EHMT1: variants seen among roughly 807,000 people sequenced by gnomAD.
EHMT1 encodes the protein histone-lysine N-methyltransferase EHMT1.
A neutral mutation model predicts 147.2 loss-of-function variants in EHMT1; 15 were observed. That is an observed-to-expected ratio of 0.10 (90% CI 0.07 to 0.16). EHMT1 has a LOEUF of 0.16. Ranked by LOEUF, EHMT1 falls within the 10% of genes least tolerant of loss-of-function variation. EHMT1 has a pLI of 1.00. For missense variants in EHMT1, 1,587 were observed against 1,772.4 expected, an observed-to-expected ratio of 0.90 and a Z score of 1.88; for synonymous variants, 795 against 709.6, an observed-to-expected ratio of 1.12 and a Z score of -1.91.
At chr9:137,748,088 T>C (rs1948693227) in intron 6 of EHMT1, 1 of 152,186 alleles carries the variant, frequency 6.6e-6, no homozygotes, top group African/African-American at 2.4e-5. Flanking sequence ...GTGGTCTGGG[T>C]GGGGGCATTC....
In EHMT1 at chr9:137,812,260, C is replaced by T. The variant is rs146109727; in HGVS notation, c.2867+645C>T. Among the ~76,000 whole-genome samples the T allele has an allele frequency of 1.8e-3, 280 of 152,346 alleles. 1 individual carries two copies. The highest frequency in any genetic ancestry group is 2.6e-3 in the Non-Finnish European group (174 of 68,028). On this transcript the variant is annotated intron_variant, in intron 19 of 26. Coordinates refer to ENST00000460843, the MANE Select transcript of EHMT1 (RefSeq NM_024757.5). ...GGCTGAGGCAGGCGAATCGCTTGAACCCAGGAGGCAAGAGATTGCAGTGAG... is the reference window on the plus strand; with the variant it reads ...GGCTGAGGCAGGCGAATCGCTTGAATCCAGGAGGCAAGAGATTGCAGTGAG...
intron 3 of EHMT1, among the ~76,000 whole-genome samples, chr9:137,721,170 C>A (rs1945936574): frequency 1.4e-5 from 2 of 147,712 alleles, no homozygotes; most frequent in African/African-American, 2.5e-5. Context: ...AGACTTCTCA[C>A]ACTCACCCCC....
intron 25 of EHMT1, among the ~76,000 whole-genome samples, chr9:137,819,670 G>T (rs117917753): frequency 0.042 from 5,490 of 132,090 alleles, 265 homozygotes; most frequent in South Asian, 0.1. Flanking sequence ...GGCGCCGTGT[G>T]CCGAGACTGT....
chr9:137,720,992 G>A lies in EHMT1; in HGVS notation c.642+3810G>A, dbSNP rs142284911. ...GCCCACCGGCGATGTTGCAGTGGCC[G>A]CCTTTCTCCCCTCCTCGCCGGCGTC... On this transcript the variant is annotated intron_variant, in intron 3 of 26. Coordinates refer to ENST00000460843, the MANE Select transcript of EHMT1 (RefSeq NM_024757.5). Among the ~76,000 whole-genome samples, 716 of 152,122 alleles carry A rather than the reference G, an allele frequency of 4.7e-3. 11 individuals carry two copies. Among genetic ancestry groups the A allele is most frequent in the African/African-American group, 0.016 (657 of 41,464 alleles).
chr9:137,655,969 C>T (rs1371742764), intron 1 of EHMT1, among the ~76,000 whole-genome samples: 2 of 152,120 alleles, frequency 1.3e-5, no homozygotes, highest in Non-Finnish European at 2.9e-5. Context: ...TGTTTTAATG[C>T]TTTATGATAT....
intron 1 of EHMT1, among the ~76,000 whole-genome samples, chr9:137,625,963 C>T (rs1589026459): frequency 6.6e-6 from 1 of 150,950 alleles, no homozygotes; most frequent in Non-Finnish European, 1.5e-5. Flanking sequence ...TCAAGTGATT[C>T]TCCTGCCTCA....
At position 137,777,012 on chromosome 9, in the gene EHMT1, T is replaced by C. The variant is rs555518809; in HGVS notation, c.2018+168T>C. On this transcript the variant is annotated intron_variant, in intron 12 of 26. Transcript: ENST00000460843. ...AGACTCTGAAATTCATTTATTGCCA[T>C]TTGTGCATACGTTGCTCTCTTTCGG... 6.5e-4 allele frequency: 454 copies of C among 700,566 alleles called. No individual in the cohort carries two copies. The Middle Eastern group carries it at 6.9e-3, about 11-fold the overall frequency. The allele number at this position is 700,566 out of a possible 1,614,324, so 43.4% of individuals were successfully genotyped here.
intron 1 of EHMT1, among the ~76,000 whole-genome samples, chr9:137,645,917 C>T (rs1844849493): frequency 6.6e-6 from 1 of 151,526 alleles, no homozygotes; most frequent in Admixed American, 6.6e-5. Flanking sequence ...TGTTTTGGAT[C>T]TATACTGAGT....
Position 137,706,585 on chromosome 9 carries a change from A to G in EHMT1, c.22-4382A>G, listed in dbSNP as rs1396678397. On this transcript the variant is annotated intron_variant, in intron 1 of 26. Coordinates refer to ENST00000460843, the MANE Select transcript of EHMT1 (RefSeq NM_024757.5). Reference sequence around the variant, plus strand: ...CACTGCAACCTCCGCCTCCTGGGTTAAAGATATTCTCCTGCCTCAGCCTCC... The same window carrying G: ...CACTGCAACCTCCGCCTCCTGGGTTGAAGATATTCTCCTGCCTCAGCCTCC... Among the ~76,000 whole-genome samples, 11 of 151,646 alleles carry G rather than the reference A, an allele frequency of 7.3e-5. No individual in the cohort carries two copies. The South Asian group carries it at 1.3e-3, about 17-fold the overall frequency.
intron 1 of EHMT1, among the ~76,000 whole-genome samples, chr9:137,683,463 G>A (rs1047151702): frequency 6.6e-6 from 1 of 152,352 alleles, no homozygotes; most frequent in African/African-American, 2.4e-5. Context: ...AATTAATAGA[G>A]ATGAGGTCAT....
chr9:137,677,166 C>T (rs1017593068), intron 1 of EHMT1, among the ~76,000 whole-genome samples: 2 of 151,972 alleles, frequency 1.3e-5, no homozygotes, highest in African/African-American at 2.4e-5. Context: ...CAGAGTTTCG[C>T]TCTGTCGCCC....
At chr9:137,645,999 C>T (rs1331141030) in intron 1 of EHMT1, among the ~76,000 whole-genome samples, 2 of 151,924 alleles carry the variant, frequency 1.3e-5, no homozygotes, top group Non-Finnish European at 2.9e-5. Flanking sequence ...TGCTCTGTTG[C>T]CCAGGCTGGA....
intron 8 of EHMT1, 95 bp from the exon 9 acceptor site, chr9:137,757,785 C>T (rs1949490490): frequency 6.3e-7 from 1 of 1,584,442 alleles, no homozygotes; most frequent in African/African-American, 1.3e-5. Flanking sequence ...AGAAGTAGTC[C>T]ATTTCCTGGG....
chr9:137,704,782 G>GCCTGCCTTCCCTCCCT (rs1171423554), intron 1 of EHMT1, among the ~76,000 whole-genome samples: 3 of 86,640 alleles, frequency 3.5e-5, no homozygotes, highest in African/African-American at 9.0e-5. Flanking sequence ...CCTCCCTCCC[G>GCCTGCCTTCCCTCCCT]CCTGCCTTCC....
At chr9:137,791,001 G>A in intron 16 of EHMT1, 31 bp downstream of exon 16, 1 of 1,614,000 alleles carries the variant, frequency 6.2e-7, no homozygotes, top group Admixed American at 1.7e-5. Flanking sequence ...CAACGTCCTA[G>A]TGTGTGTGTA....
chr9:137,649,597 G>A (rs188800813), intron 1 of EHMT1, among the ~76,000 whole-genome samples: 74 of 152,258 alleles, frequency 4.9e-4, no homozygotes, highest in Admixed American at 2.4e-3. Flanking sequence ...TGAAGTCGTC[G>A]TAGATTTAGG....
At position 137,835,348 on chromosome 9, in the gene EHMT1, T is replaced by G; in HGVS notation, c.*395T>G. ...CTGTTCTCCTGTCCGGCCCAGACTC[T>G]TCTGTGTGGCGCCGCCGAAGCCACC... On this transcript the variant is annotated 3_prime_UTR_variant, in exon 27 of 27. Transcript: ENST00000460843. 2 of 165,384 alleles carry G rather than the reference T, an allele frequency of 1.2e-5. No individual in the cohort carries two copies. The highest frequency in any genetic ancestry group is 1.3e-5 in the Non-Finnish European group (1 of 77,528). The allele number at this position is 165,384 out of a possible 1,614,324, so 10.2% of individuals were successfully genotyped here.
intron 15 of EHMT1, chr9:137,784,421 T>G (rs772707639): frequency 8.3e-7 from 1 of 1,209,698 alleles, no homozygotes; most frequent in African/African-American, 1.6e-5. Flanking sequence ...CCAATACTTT[T>G]TTGGTCGTTC....
chr9:137,761,807 A>G (rs1949845283), intron 9 of EHMT1, among the ~76,000 whole-genome samples: 1 of 152,340 alleles, frequency 6.6e-6, no homozygotes, highest in Non-Finnish European at 1.5e-5. Context: ...ATTTGAGACA[A>G]TGATTCATCT....
Sources: gnomAD v4.1 joint callset for allele counts (sites outside exome capture counted in the v4.1 genomes callset) on GRCh38, gnomAD v4.1.1 for gene constraint, MANE v1.5 for transcripts, NCBI Gene and HGNC (gene_info 2026-07-23, HGNC 2026-07-21) for gene names.